ALKBH1: variants seen among roughly 807,000 people sequenced by gnomAD.
The protein encoded by ALKBH1 is alkB homolog 1, histone H2A dioxygenase, also known as nucleic acid dioxygenase ALKBH1.
In ALKBH1, 31 loss-of-function variants were observed where a neutral mutation model predicts 36.6. The ratio of observed to expected loss-of-function variants is 0.85; its 90% confidence interval spans 0.64 to 1.14. The LOEUF is 1.14. Ranked by LOEUF, ALKBH1 falls within the 50% of genes most tolerant of loss-of-function variation. ALKBH1 has a pLI of 0.00. For missense variants in ALKBH1, 490 were observed against 497.3 expected (o/e 0.99, Z 0.14); for synonymous variants, 183 against 186.6 (o/e 0.98, Z 0.16).
At chr14:77,690,990 G>A (rs1158824316) in intron 3 of ALKBH1, among the ~76,000 whole-genome samples, 1 of 151,898 alleles carries the variant, frequency 6.6e-6, no homozygotes, top group Non-Finnish European at 1.5e-5. Context: ...TAGTAGAGAC[G>A]GGGTTTCACC....
chr14:77,705,924 G>A (rs1245186275), intron 1 of ALKBH1, among the ~76,000 whole-genome samples: 7 of 151,974 alleles, frequency 4.6e-5, no homozygotes, highest in Non-Finnish European at 1.0e-4. Context: ...GCATGGTGGC[G>A]CGTGCCTGTA....
At chr14:77,695,639 G>C (rs1279461774) in intron 2 of ALKBH1, among the ~76,000 whole-genome samples, 3 of 152,188 alleles carry the variant, frequency 2.0e-5, no homozygotes, top group Non-Finnish European at 4.4e-5. Flanking sequence ...CTGCAGGGGT[G>C]ACAGTTGCTT....
chr14:77,675,963 A>G, intron 4 of ALKBH1, 114 bp from the exon 5 acceptor site: 1 of 855,628 alleles, frequency 1.2e-6, no homozygotes, highest in Non-Finnish European at 1.8e-6. Context: ...ATATTAACAT[A>G]TTAACACAGC....
At chr14:77,680,956 G>T (rs1396496463) in intron 3 of ALKBH1, among the ~76,000 whole-genome samples, 2 of 151,960 alleles carry the variant, frequency 1.3e-5, no homozygotes, top group African/African-American at 4.8e-5. Context: ...GATTACAGGC[G>T]TGAGCCACCA....
intron 3 of ALKBH1, among the ~76,000 whole-genome samples, chr14:77,693,178 C>T (rs2080307278): frequency 6.7e-6 from 1 of 148,682 alleles, no homozygotes; most frequent in South Asian, 2.1e-4. Context: ...TGCACTCCAG[C>T]CTGGGCAACA....
At chr14:77,692,518 A>G (rs896654086) in intron 3 of ALKBH1, among the ~76,000 whole-genome samples, 3 of 152,160 alleles carry the variant, frequency 2.0e-5, no homozygotes, top group Non-Finnish European at 4.4e-5. Context: ...TCGCGCTCCT[A>G]TGAGAATCTA....
intron 1 of ALKBH1, among the ~76,000 whole-genome samples, chr14:77,704,736 C>T (rs577927234): frequency 1.3e-5 from 2 of 152,232 alleles, no homozygotes; most frequent in East Asian, 3.9e-4. Flanking sequence ...CTGTGCCTGG[C>T]CAAAGCAAGG....
chr14:77,682,308 TCTC>T (rs2080242413), intron 3 of ALKBH1, among the ~76,000 whole-genome samples: 2 of 152,214 alleles, frequency 1.3e-5, no homozygotes, highest in African/African-American at 4.8e-5. Context: ...TCCTTGATGT[TCTC>T]CTCTAGAGAA....
chr14:77,707,471 T>G (rs2080401270), intron 1 of ALKBH1, among the ~76,000 whole-genome samples: 1 of 152,158 alleles, frequency 6.6e-6, no homozygotes, highest in Non-Finnish European at 1.5e-5. Flanking sequence ...GGGAGTGGTT[T>G]TTTTTAAGCT....
chr14:77,688,424 T>A (rs1199059822), intron 3 of ALKBH1, among the ~76,000 whole-genome samples: 1 of 151,920 alleles, frequency 6.6e-6, no homozygotes, highest in Non-Finnish European at 1.5e-5. Flanking sequence ...TCCGGATAAT[T>A]TTTGTAGATT....
At position 77,707,976 on chromosome 14, in the gene ALKBH1, G is replaced by T; in HGVS notation, c.29C>A (p.Ser10Tyr). Residue 10 changes from serine to tyrosine, a missense_variant, in exon 1 of 6, where the codon TCT becomes TAT. Physicochemically the swap from Ser to Tyr is moderately radical, Grantham distance 144 (BLOSUM62 -2). Coordinates refer to ENST00000216489, the MANE Select transcript of ALKBH1 (RefSeq NM_006020.3). ...GGGCTCAGTCGCCAGAGTCGCCACAGAGCCCACGGCCGCTGCCATCTTCCC... is the reference window on the plus strand; with the variant it reads ...GGGCTCAGTCGCCAGAGTCGCCACATAGCCCACGGCCGCTGCCATCTTCCC... MGKMAAAVGSVATLATEPGE... is the reference protein window; with the variant it reads MGKMAAAVGYVATLATEPGE... 6.2e-7 allele frequency: 1 copy of T among 1,612,888 alleles called. No homozygotes were observed. The highest frequency in any genetic ancestry group is 1.7e-5 in the Admixed American group (1 of 59,918).
At chr14:77,676,924 G>A (rs2080209289) in intron 4 of ALKBH1, among the ~76,000 whole-genome samples, 1 of 152,074 alleles carries the variant, frequency 6.6e-6, no homozygotes, top group Non-Finnish European at 1.5e-5. Context: ...GGCCAAGATA[G>A]GCCTTTAAAT....
chr14:77,689,859 A>G (rs2080287913), intron 3 of ALKBH1, among the ~76,000 whole-genome samples: 1 of 152,014 alleles, frequency 6.6e-6, no homozygotes. Flanking sequence ...AAAAAAAATC[A>G]AGCAAAAAAT....
At position 77,673,474 on chromosome 14, in the gene ALKBH1, T is replaced by C; in HGVS notation, c.*338A>G. 1 of 247,298 alleles carries C rather than the reference T, an allele frequency of 4.0e-6. No homozygotes were observed. The highest frequency in any genetic ancestry group is 7.1e-5 in the South Asian group (1 of 14,090). 15.3% of individuals were successfully genotyped at this position (247,298 alleles called of 1,614,324 possible). On this transcript the variant is annotated 3_prime_UTR_variant, in exon 6 of 6. Transcript: ENST00000216489. ...TCTCATTAATAAAATCTGAGGTATTTAAATACTCTGCAAACATGGAAACTC... is the reference window on the plus strand; with the variant it reads ...TCTCATTAATAAAATCTGAGGTATTCAAATACTCTGCAAACATGGAAACTC...
At chr14:77,702,245 G>A (rs567537812) in intron 2 of ALKBH1, among the ~76,000 whole-genome samples, 16 of 152,182 alleles carry the variant, frequency 1.1e-4, no homozygotes, top group Non-Finnish European at 2.1e-4. Flanking sequence ...AGGCTGCAGT[G>A]AGCGGAGATC....
intron 1 of ALKBH1, 53 bp from the exon 2 acceptor site, chr14:77,704,530 C>A: frequency 7.0e-7 from 1 of 1,423,424 alleles, no homozygotes; most frequent in East Asian, 2.3e-5. Context: ...GCAGGTCAAC[C>A]CCGGGAACCT....
At chr14:77,683,544 C>CATT (rs2080250520) in intron 3 of ALKBH1, 1 of 595,762 alleles carries the variant, frequency 1.7e-6, no homozygotes, top group African/African-American at 1.9e-5. Context: ...GAACAGTACC[C>CATT]ATTCCCATTC....
intron 2 of ALKBH1, 70 bp from the exon 3 acceptor site, chr14:77,694,970 C>A (rs2080319290): frequency 1.6e-6 from 2 of 1,262,538 alleles, no homozygotes; most frequent in Non-Finnish European, 1.0e-6. Flanking sequence ...ATAATTTTGA[C>A]ATCTTTATAC....
At chr14:77,697,723 T>C (rs1196093993) in intron 2 of ALKBH1, among the ~76,000 whole-genome samples, 1 of 139,228 alleles carries the variant, frequency 7.2e-6, no homozygotes, top group Non-Finnish European at 1.6e-5. Flanking sequence ...AAAAAAGAAT[T>C]AGAAGCCGGG....
Sources: gnomAD v4.1 joint callset for allele counts (sites outside exome capture counted in the v4.1 genomes callset) on GRCh38, gnomAD v4.1.1 for gene constraint, MANE v1.5 for transcripts, NCBI Gene and HGNC (gene_info 2026-07-23, HGNC 2026-07-21) for gene names.